Variants in COL15A1 observed in about 807,000 individuals in gnomAD.
COL15A1 encodes collagen alpha-1(XV) chain.
COL15A1 carries 111 observed loss-of-function variants against 165.9 expected under a neutral mutation model. The ratio of observed to expected loss-of-function variants is 0.67; its 90% CI spans 0.57 to 0.78. COL15A1 has a LOEUF of 0.78. Among genes scored for constraint, COL15A1 ranks in the 30% least tolerant of loss-of-function variants. The probability of loss-of-function intolerance (pLI) is 0.00; values close to 1 mark genes in which losing one functional copy is unlikely to be tolerated. For synonymous variants in COL15A1, 659 were observed against 674.8 expected, an observed-to-expected ratio of 0.98 and a Z score of 0.36; for missense variants, 1,745 against 1,789.7, an observed-to-expected ratio of 0.98 and a Z score of 0.45.
intron 2 of COL15A1, among the ~76,000 whole-genome samples, chr9:98,953,392 C>A (rs1267859969): frequency 6.6e-6 from 1 of 152,142 alleles, no homozygotes; most frequent in South Asian, 2.1e-4. Flanking sequence ...CTAATGAATG[C>A]AGCCCACTCT....
rs752806754 is a variant in COL15A1 at position 99,056,414 on chromosome 9, G to A, written c.3337+10G>A. On this transcript the variant is annotated intron_variant, in intron 35 of 41. Transcript: ENST00000375001. ...GCTATCCTGGGAGCAGGTTAGTGCC[G>A]TAAACAGTGCCCTTGTTCATGCTGT... is the stretch of plus-strand genomic sequence containing the variant. 71 of 1,598,958 alleles carry A rather than the reference G, an allele frequency of 4.4e-5. No homozygotes were observed. The highest frequency in any genetic ancestry group is 3.1e-4 in the South Asian group (28 of 90,006).
At chr9:99,052,038 C>G (rs1400418607) in intron 30 of COL15A1, among the ~76,000 whole-genome samples, 1 of 152,216 alleles carries the variant, frequency 6.6e-6, no homozygotes, top group East Asian at 1.9e-4. Context: ...GAATCAATCC[C>G]AACTGATAAG....
At chr9:98,944,616 T>C (rs1837547149) in intron 2 of COL15A1, among the ~76,000 whole-genome samples, 1 of 152,278 alleles carries the variant, frequency 6.6e-6, no homozygotes, top group Admixed American at 6.5e-5. Flanking sequence ...GGCTGGCTTC[T>C]GGTAAGGGCA....
At chr9:99,038,595 A>C (rs1482517766) in intron 21 of COL15A1, 73 bp from the exon 22 acceptor site, 4 of 961,162 alleles carry the variant, frequency 4.2e-6, no homozygotes, top group Non-Finnish European at 6.8e-6. Flanking sequence ...ACTTTAATTA[A>C]AGCTTTGCTG....
chr9:98,949,095 C>T (rs930986300), intron 2 of COL15A1, among the ~76,000 whole-genome samples: 1 of 152,154 alleles, frequency 6.6e-6, no homozygotes, highest in Middle Eastern at 3.2e-3. Context: ...AAGTGTGTAT[C>T]CCAAAATTCT....
At chr9:98,944,641 C>T (rs537516019) in intron 2 of COL15A1, among the ~76,000 whole-genome samples, 1 of 152,406 alleles carries the variant, frequency 6.6e-6, no homozygotes, top group African/African-American at 2.4e-5. Context: ...TGGTGCCTCT[C>T]CGCACACAGG....
At chr9:99,066,857 C>T (rs149425519) in intron 39 of COL15A1, 25 bp from the exon 40 acceptor site, 1 of 1,599,054 alleles carries the variant, frequency 6.3e-7, no homozygotes, top group Non-Finnish European at 8.5e-7. Context: ...ATTCTGACTG[C>T]TCTCTTTTGT....
chr9:98,944,124 G>C, intron 1 of COL15A1, 38 bp from the exon 2 acceptor site: 1 of 1,614,056 alleles, frequency 6.2e-7, no homozygotes, highest in Non-Finnish European at 8.5e-7. Context: ...CAATACTCTT[G>C]CCCGCCTCAC....
At position 99,035,059 on chromosome 9, in the gene COL15A1, G is replaced by A. The variant is rs41310085; in HGVS notation, c.2125G>A (p.Gly709Arg). The stretch of plus-strand genomic sequence containing the variant: ...CTTACCTGGACCCCCGGGGAAAAAG[G>A]GACAAGCTGGCCCTCCTGGGGTCAT... ...RGLPGPPGKK[G>R]QAGPPGVMGP... Residue 709 changes from glycine (G) to arginine (R), a missense_variant, in exon 18 of 42, where the codon GGA becomes AGA. By Grantham distance (125) the Gly-to-Arg change is moderately radical (BLOSUM62 -2). Coordinates refer to ENST00000375001, the MANE Select transcript of COL15A1 (RefSeq NM_001855.5). 7 of 1,612,542 alleles carry A rather than the reference G, an allele frequency of 4.3e-6. No individual in the cohort carries two copies. In the East Asian group the frequency reaches 1.1e-4, roughly 26 times the overall value.
chr9:99,055,000 C>A, intron 32 of COL15A1, 102 bp from the exon 33 acceptor site: 1 of 991,798 alleles, frequency 1.0e-6, no homozygotes, highest in Non-Finnish European at 1.6e-6. Context: ...CCAGTGCAGG[C>A]TCACATCCAC....
intron 2 of COL15A1, among the ~76,000 whole-genome samples, chr9:98,969,663 TAG>T (rs781156566): frequency 2.0e-5 from 3 of 152,092 alleles, no homozygotes; most frequent in Admixed American, 6.5e-5. Flanking sequence ...GCAATGGGAA[TAG>T]AGAGGCAGAT....
At chr9:98,959,776 A>C (rs1837838127) in intron 2 of COL15A1, among the ~76,000 whole-genome samples, 1 of 152,132 alleles carries the variant, frequency 6.6e-6, no homozygotes, top group African/African-American at 2.4e-5. Flanking sequence ...TCTCACTGTG[A>C]GTCAGAGTAG....
At chr9:98,956,944 T>C (rs558705618) in intron 2 of COL15A1, among the ~76,000 whole-genome samples, 1 of 152,252 alleles carries the variant, frequency 6.6e-6, no homozygotes, top group Non-Finnish European at 1.5e-5. Context: ...TGTTGCTCCC[T>C]GCTTAAAACC....
chr9:99,067,950 C>A lies in COL15A1; in HGVS notation c.3838-605C>A, dbSNP rs1018610635. Reference sequence around the variant, plus strand: ...TGTATGCATAATATTTTCAAAATAACAATAATAAAATAAAGACATAAAACA... The same window carrying A: ...TGTATGCATAATATTTTCAAAATAAAAATAATAAAATAAAGACATAAAACA... On this transcript the variant is annotated intron_variant, in intron 40 of 41. Transcript: ENST00000375001. Among the ~76,000 whole-genome samples the A allele has an allele frequency of 9.2e-5, 14 of 152,060 alleles. No homozygotes were observed. In the East Asian group the frequency reaches 2.5e-3, roughly 27 times the overall value.
chr9:99,058,518 G>A (rs1825762249), intron 35 of COL15A1, among the ~76,000 whole-genome samples: 1 of 152,176 alleles, frequency 6.6e-6, no homozygotes, highest in Admixed American at 6.5e-5. Context: ...TGAGTGCAAG[G>A]TGGAGAAAAA....
intron 31 of COL15A1, among the ~76,000 whole-genome samples, chr9:99,054,117 C>T (rs2067986): frequency 0.099 from 15,147 of 152,256 alleles, 956 homozygotes; most frequent in South Asian, 0.2. Context: ...GAAAACTTAG[C>T]GCCCTTGGTT....
chr9:98,981,329 G>C (rs1310453713), intron 2 of COL15A1, among the ~76,000 whole-genome samples: 1 of 152,072 alleles, frequency 6.6e-6, no homozygotes, highest in African/African-American at 2.4e-5. Flanking sequence ...ATGGTGGTGG[G>C]CACCTGAATC....
chr9:99,009,697 G>A (rs1393221396), intron 9 of COL15A1, among the ~76,000 whole-genome samples: 1 of 151,844 alleles, frequency 6.6e-6, no homozygotes, highest in African/African-American at 2.4e-5. Flanking sequence ...AAAAAAAAAG[G>A]CAAAAATATT....
chr9:99,056,124 G>A (rs1825716444), intron 34 of COL15A1, 136 bp from the exon 35 acceptor site: 2 of 946,964 alleles, frequency 2.1e-6, no homozygotes, highest in South Asian at 1.4e-5. Context: ...ACCTTGAATT[G>A]TGCCCAAGAT....
Sources: allele counts gnomAD v4.1 joint callset (sites outside exome capture counted in the v4.1 genomes callset), GRCh38; gene constraint gnomAD v4.1.1; transcripts MANE v1.5; gene names NCBI Gene and HGNC (gene_info 2026-07-23, HGNC 2026-07-21).